DLGAP1: variants seen among roughly 807,000 people sequenced by gnomAD.
DLGAP1 encodes the protein disks large-associated protein 1.
DLGAP1 carries 11 observed loss-of-function variants against 90.8 expected under a neutral mutation model. That is an observed-to-expected ratio of 0.12 (90% CI 0.08 to 0.20). The LOEUF is 0.20. Among genes scored for constraint, DLGAP1 ranks in the 10% least tolerant of loss-of-function variants. DLGAP1 has a pLI of 1.00. For missense variants in DLGAP1, 1,050 were observed against 1,333.8 expected (o/e 0.79, Z 3.31); for synonymous variants, 558 against 540.7 (o/e 1.03, Z -0.44).
intron 7 of DLGAP1, among the ~76,000 whole-genome samples, chr18:3,715,476 T>G (rs1002131746): frequency 1.3e-5 from 2 of 152,206 alleles, no homozygotes; most frequent in Non-Finnish European, 2.9e-5. Context: ...CAGCTCACAA[T>G]GCAAGGTTTC....
At chr18:3,793,796 C>A (rs998205176) in intron 5 of DLGAP1, among the ~76,000 whole-genome samples, 2 of 152,216 alleles carry the variant, frequency 1.3e-5, no homozygotes, top group African/African-American at 4.8e-5. Flanking sequence ...ACTCTGCGAC[C>A]CCCTGACACT....
rs140368145 is a variant in DLGAP1 at position 3,585,060 on chromosome 18, T to C, written c.1592-2812A>G. On this transcript the variant is annotated intron_variant, in intron 7 of 12. Transcript: ENST00000315677. The stretch of plus-strand genomic sequence containing the variant: ...TAGCCACTATGCCATGCCCGGCCCA[T>C]CTTTATCATTTGAATGCAGCTCAAC... Among the ~76,000 whole-genome samples the C allele has an allele frequency of 2.6e-5, 4 of 152,258 alleles. No individual in the cohort carries two copies. In the South Asian group the frequency reaches 6.2e-4, roughly 24 times the overall value.
chr18:4,332,050 G>A (rs1256826052), intron 1 of DLGAP1, among the ~76,000 whole-genome samples: 6 of 151,890 alleles, frequency 4.0e-5, no homozygotes, highest in African/African-American at 1.5e-4. Context: ...GTCACATAAA[G>A]AAAGTGAGCC....
intron 5 of DLGAP1, among the ~76,000 whole-genome samples, chr18:3,813,162 C>A (rs902184243): frequency 2.6e-5 from 4 of 152,162 alleles, no homozygotes; most frequent in Non-Finnish European, 5.9e-5. Flanking sequence ...ATATGCTGCA[C>A]AACGACATTT....
intron 6 of DLGAP1, among the ~76,000 whole-genome samples, chr18:3,741,117 AC>A (rs2062952621): frequency 8.5e-6 from 1 of 117,246 alleles, no homozygotes; most frequent in South Asian, 3.2e-4. Flanking sequence ...CATCACCACC[AC>A]CATCACCACC....
intron 9 of DLGAP1, among the ~76,000 whole-genome samples, chr18:3,562,679 G>T (rs1267571442): frequency 6.6e-6 from 1 of 150,694 alleles, no homozygotes; most frequent in Non-Finnish European, 1.5e-5. Flanking sequence ...CAAGTAGCTG[G>T]GATTACAGAC....
intron 1 of DLGAP1, among the ~76,000 whole-genome samples, chr18:4,159,250 C>T (rs1201570845): frequency 2.0e-5 from 3 of 152,158 alleles, no homozygotes; most frequent in African/African-American, 4.8e-5. Context: ...TGAAACTGAT[C>T]GGCTTAAACT....
intron 1 of DLGAP1, among the ~76,000 whole-genome samples, chr18:4,434,750 A>G (rs1235764997): frequency 6.6e-6 from 1 of 152,206 alleles, no homozygotes; most frequent in African/African-American, 2.4e-5. Flanking sequence ...TGGTATGTAA[A>G]TCTCAGGGAA....
At chr18:3,978,318 C>T (rs1050584219) in intron 3 of DLGAP1, 1 of 379,964 alleles carries the variant, frequency 2.6e-6, no homozygotes, top group Non-Finnish European at 5.2e-6. Context: ...ATGAAGACAC[C>T]AGTGGACTCC....
At chr18:4,261,972 C>T (rs936335786) in intron 1 of DLGAP1, among the ~76,000 whole-genome samples, 1 of 152,050 alleles carries the variant, frequency 6.6e-6, no homozygotes, top group African/African-American at 2.4e-5. Flanking sequence ...GTATGTTAAC[C>T]ATCATTGATA....
chr18:3,895,311 ACACACAC>A lies in DLGAP1; in HGVS notation c.-72-15178_-72-15172del, dbSNP rs1256218297. 2.0e-3 allele frequency among the ~76,000 whole-genome samples: 309 copies of A among 150,864 alleles called. 1 individual carries two copies. The highest frequency in any genetic ancestry group is 7.4e-3 in the African/African-American group (302 of 40,742). On this transcript the variant is annotated intron_variant, in intron 3 of 12. Coordinates refer to ENST00000315677, the MANE Select transcript of DLGAP1 (RefSeq NM_004746.4). ...CACACACACACACACACACACACAC[ACACACAC>A]ACATCATCATCATCATCATCATCAT...
chr18:3,726,117 G>C (rs193160285), intron 7 of DLGAP1, among the ~76,000 whole-genome samples: 10 of 152,228 alleles, frequency 6.6e-5, no homozygotes, highest in Non-Finnish European at 1.2e-4. Flanking sequence ...GGTAAGTTTA[G>C]GAAAAACAAC....
chr18:4,377,505 T>A (rs998005008), intron 1 of DLGAP1, among the ~76,000 whole-genome samples: 1 of 152,214 alleles, frequency 6.6e-6, no homozygotes, highest in Non-Finnish European at 1.5e-5. Context: ...CTGAGATGAA[T>A]AATAAACATT....
At chr18:3,867,847 C>G (rs2070498109) in intron 4 of DLGAP1, among the ~76,000 whole-genome samples, 1 of 152,118 alleles carries the variant, frequency 6.6e-6, no homozygotes, top group Non-Finnish European at 1.5e-5. Context: ...CATGAAAGTT[C>G]AGATGAGACA....
chr18:4,122,645 A>G (rs1015131359), intron 2 of DLGAP1, among the ~76,000 whole-genome samples: 2 of 152,196 alleles, frequency 1.3e-5, no homozygotes, highest in African/African-American at 2.4e-5. Context: ...ATGATGATTG[A>G]TTAGATGGTA....
intron 4 of DLGAP1, among the ~76,000 whole-genome samples, chr18:3,830,977 A>G (rs2068001456): frequency 1.3e-5 from 2 of 152,242 alleles, no homozygotes; most frequent in African/African-American, 4.8e-5. Flanking sequence ...AAGTATGGAC[A>G]CCTTTCATCC....
chr18:4,411,988 T>C lies in DLGAP1; in HGVS notation c.-267+43018A>G, dbSNP rs564477618. The stretch of plus-strand genomic sequence containing the variant: ...ATAAGCTCAATTTCTGGATGCGACA[T>C]GCTTATATAGGGAGAATGTCAGGGG... On this transcript the variant is annotated intron_variant, in intron 1 of 12. Coordinates refer to ENST00000315677, the MANE Select transcript of DLGAP1 (RefSeq NM_004746.4). 2.6e-5 allele frequency among the ~76,000 whole-genome samples: 4 copies of C among 152,314 alleles called. No individual in the cohort carries two copies. The South Asian group carries it at 6.2e-4, about 24-fold the overall frequency.
chr18:3,581,853 G>A, intron 8 of DLGAP1, 22 bp downstream of exon 8: 2 of 1,610,046 alleles, frequency 1.2e-6, no homozygotes, highest in Non-Finnish European at 1.7e-6. Context: ...CTATTTCAAA[G>A]GATAGAAAGG....
chr18:3,949,452 A>G (rs181976599), intron 3 of DLGAP1, among the ~76,000 whole-genome samples: 1 of 152,234 alleles, frequency 6.6e-6, no homozygotes, highest in Non-Finnish European at 1.5e-5. Context: ...ACTTCACACC[A>G]CAGGTCTAGG....
Sources: gnomAD v4.1 joint callset for allele counts (sites outside exome capture counted in the v4.1 genomes callset) on GRCh38, gnomAD v4.1.1 for gene constraint, MANE v1.5 for transcripts, NCBI Gene and HGNC (gene_info 2026-07-23, HGNC 2026-07-21) for gene names.